MAPDA: variants seen among roughly 807,000 people sequenced by gnomAD.
MAPDA encodes the protein N6,N6-dimethyl-AMP deaminase.
the MAPDA span, among the ~76,000 whole-genome samples, chr15:43,332,974 T>C: frequency 6.6e-6 from 1 of 152,216 alleles, no homozygotes; most frequent in Admixed American, 6.5e-5. Flanking sequence ...CAATTTTTTT[T>C]AATGTGTAAA....
the MAPDA span, among the ~76,000 whole-genome samples, chr15:43,334,269 C>T: frequency 6.6e-6 from 1 of 152,116 alleles, no homozygotes; most frequent in Admixed American, 6.5e-5. Flanking sequence ...AAGGACAAAC[C>T]TAGGTCCATC....
At chr15:43,335,110 G>T in the MAPDA span, 17 of 1,613,808 alleles carry the variant, frequency 1.1e-5, no homozygotes, top group Non-Finnish European at 5.1e-6. Context: ...CTGCTAAAAT[G>T]ATAGAGGCAG....
the MAPDA span, chr15:43,335,754 C>A: frequency 1.2e-6 from 2 of 1,613,800 alleles, no homozygotes; most frequent in Non-Finnish European, 1.7e-6. Flanking sequence ...AAATTAATAG[C>A]CCAGAAGCCA....
the MAPDA span, chr15:43,335,811 A>G: frequency 4.3e-6 from 7 of 1,613,448 alleles, no homozygotes; most frequent in Non-Finnish European, 5.9e-6. Flanking sequence ...AAGGGAAAGA[A>G]AAGAACTTTG....
At chr15:43,339,153 G>A in the MAPDA span, among the ~76,000 whole-genome samples, 11 of 152,306 alleles carry the variant, frequency 7.2e-5, no homozygotes, top group South Asian at 2.1e-3. Flanking sequence ...TGGAGTAGCA[G>A]TGCCGTGGGG....
At chr15:43,344,605 T>TG in the MAPDA span, among the ~76,000 whole-genome samples, 1 of 152,050 alleles carries the variant, frequency 6.6e-6, no homozygotes. Context: ...GGTCAGGAGT[T>TG]GGAGACCACC....
chr15:43,344,844 T>A, the MAPDA span, among the ~76,000 whole-genome samples: 1 of 151,848 alleles, frequency 6.6e-6, no homozygotes, highest in Non-Finnish European at 1.5e-5. Flanking sequence ...AGAGATTCTC[T>A]GGGTATTCAA....
chr15:43,351,497 TG>T, the MAPDA span: 5 of 479,772 alleles, frequency 1.0e-5, no homozygotes, highest in Non-Finnish European at 1.8e-5. Context: ...GGGTGAGTCC[TG>T]GGCAGAGATA....
At chr15:43,353,662 T>C in the MAPDA span, 3 of 152,196 alleles carry the variant, frequency 2.0e-5, no homozygotes, top group African/African-American at 4.8e-5. Context: ...GAAGGTTAAG[T>C]TGATCACCAG....
At chr15:43,346,542 G>A in the MAPDA span, among the ~76,000 whole-genome samples, 1 of 152,202 alleles carries the variant, frequency 6.6e-6, no homozygotes, top group Admixed American at 6.5e-5. Flanking sequence ...GTGTCCCCTG[G>A]GGGGCAGAAT....
At chr15:43,342,217 G>A in the MAPDA span, among the ~76,000 whole-genome samples, 1 of 151,754 alleles carries the variant, frequency 6.6e-6, no homozygotes, top group South Asian at 2.1e-4. Context: ...CGGGTAAAAG[G>A]GTATTTTATT....
the MAPDA span, chr15:43,351,175 G>T: frequency 7.1e-4 from 570 of 807,836 alleles, 1 homozygote; most frequent in Admixed American, 5.3e-3. Flanking sequence ...AGGGACCGGG[G>T]TGTGGCTGAG....
chr15:43,334,633 T>TTACATATATATATATATATATA, the MAPDA span, among the ~76,000 whole-genome samples: 1 of 65,142 alleles, frequency 1.5e-5, no homozygotes, highest in Non-Finnish European at 4.7e-5. Flanking sequence ...CTCAAAAAAA[T>TTACATATATATATATATATATA]TATATATATA....
At chr15:43,346,937 T>C in the MAPDA span, 3 of 1,070,974 alleles carry the variant, frequency 2.8e-6, no homozygotes, top group Non-Finnish European at 2.8e-6. Flanking sequence ...GCCATTATGT[T>C]GTTTATTGGA....
the MAPDA span, chr15:43,352,904 A>G: frequency 2.6e-5 from 4 of 151,854 alleles, no homozygotes; most frequent in Admixed American, 6.6e-5. Flanking sequence ...AGAGGAGAGA[A>G]TAACTGGCTG....
the MAPDA span, among the ~76,000 whole-genome samples, chr15:43,335,981 T>C: frequency 1.3e-5 from 2 of 152,256 alleles, no homozygotes; most frequent in Admixed American, 6.5e-5. Context: ...TTTTTCCAGC[T>C]GTTAGACTGT....
the MAPDA span, among the ~76,000 whole-genome samples, chr15:43,349,711 C>T: frequency 6.6e-6 from 1 of 152,204 alleles, no homozygotes; most frequent in African/African-American, 2.4e-5. Context: ...AACTATTTTA[C>T]AGAATGATCA....
At chr15:43,340,715 T>C in the MAPDA span, among the ~76,000 whole-genome samples, 1 of 152,194 alleles carries the variant, frequency 6.6e-6, no homozygotes, top group African/African-American at 2.4e-5. Context: ...TGAGTTATTC[T>C]TAAGTAAAAA....
chr15:43,346,297 A>G, the MAPDA span, among the ~76,000 whole-genome samples: 5 of 152,206 alleles, frequency 3.3e-5, no homozygotes, highest in Admixed American at 6.5e-5. Flanking sequence ...CATACAATGG[A>G]TGGATGTCTT....
Sources: allele counts gnomAD v4.1 joint callset (sites outside exome capture counted in the v4.1 genomes callset), GRCh38; gene constraint gnomAD v4.1.1; transcripts MANE v1.5; gene names NCBI Gene and HGNC (gene_info 2026-07-23, HGNC 2026-07-21).